The following IGF2R variants were observed in gnomAD, a reference collection of about 807,000 sequenced individuals.
IGF2R encodes the protein insulin like growth factor 2 receptor, also known as cation-independent mannose-6-phosphate receptor.
In IGF2R, 91 loss-of-function variants were observed where a neutral mutation model predicts 270.6. The ratio of observed to expected loss-of-function variants is 0.34; its 90% CI spans 0.28 to 0.40. IGF2R has a LOEUF of 0.40. Among genes scored for constraint, IGF2R ranks in the 10% least tolerant of loss-of-function variants. IGF2R has a pLI of 1.00. For synonymous variants in IGF2R, 1,316 were observed against 1,258.9 expected, an observed-to-expected ratio of 1.05 and a Z score of -0.96; for missense variants, 2,805 against 3,188.3, an observed-to-expected ratio of 0.88 and a Z score of 2.90.
chr6:160,048,025 G>T, intron 17 of IGF2R, 118 bp downstream of exon 17: 1 of 743,176 alleles, frequency 1.3e-6, no homozygotes, highest in Non-Finnish European at 2.4e-6. Context: ...TGGGGCTGCA[G>T]GACCAAGGTG....
intron 2 of IGF2R, among the ~76,000 whole-genome samples, chr6:159,995,036 G>T (rs1784031141): frequency 6.6e-6 from 1 of 152,080 alleles, no homozygotes; most frequent in South Asian, 2.1e-4. Flanking sequence ...TTGTAGTGAG[G>T]TGTTGAAGTC....
At position 160,084,366 on chromosome 6, in the gene IGF2R, G is replaced by C. The variant is rs1163838281; in HGVS notation, c.6068+182G>C. ...CGCAGTGTCAATCCTGGCACAGAGG[G>C]TGGTTCTGAGGTCAGAGTGGGGGCA... is the stretch of plus-strand genomic sequence containing the variant. On this transcript the variant is annotated intron_variant, in intron 40 of 47. Coordinates refer to ENST00000356956, the MANE Select transcript of IGF2R (RefSeq NM_000876.4). This position sits in a 1 kb window ranked among gnomAD's most constrained non-coding sequence, Gnocchi z 4.6. 6.6e-6 allele frequency among the ~76,000 whole-genome samples: 1 copy of C among 152,218 alleles called. No individual in the cohort carries two copies. The highest frequency in any genetic ancestry group is 1.5e-5 in the Non-Finnish European group (1 of 68,036).
chr6:160,000,882 C>G (rs1784118776), intron 2 of IGF2R, among the ~76,000 whole-genome samples: 1 of 151,812 alleles, frequency 6.6e-6, no homozygotes, highest in Admixed American at 6.6e-5. Context: ...ATTACGGGCA[C>G]CACCATGTCC....
Position 160,084,469 on chromosome 6 carries a change from C to A in IGF2R, c.6068+285C>A, listed in dbSNP as rs545738899. ...ACTGAGTTAGGCTGGGTTTGATTTG[C>A]GTTTGTGTGTAGCTCAGGTTGTGGG... is the stretch of plus-strand genomic sequence containing the variant. On this transcript the variant is annotated intron_variant, in intron 40 of 47. Coordinates refer to ENST00000356956, the MANE Select transcript of IGF2R (RefSeq NM_000876.4). This position sits in a 1 kb window ranked among gnomAD's most constrained non-coding sequence, Gnocchi z 4.6. 6.6e-6 allele frequency among the ~76,000 whole-genome samples: 1 copy of A among 152,076 alleles called. No individual in the cohort carries two copies. The highest frequency in any genetic ancestry group is 2.4e-5 in the African/African-American group (1 of 41,392).
chr6:159,983,822 T>C (rs1236969429), intron 1 of IGF2R, among the ~76,000 whole-genome samples: 1 of 152,144 alleles, frequency 6.6e-6, no homozygotes, highest in Non-Finnish European at 1.5e-5. Context: ...GCTGCTTACA[T>C]AGAAATAGCA....
In IGF2R at chr6:160,106,691, C is replaced by G. The variant is rs550061521; in HGVS notation, c.*1607C>G. 6.6e-6 allele frequency: 1 copy of G among 152,224 alleles called. No homozygotes were observed. Among genetic ancestry groups the G allele is most frequent in the African/African-American group, 2.4e-5 (1 of 41,528 alleles). 9.4% of individuals were successfully genotyped at this position (152,224 alleles called of 1,614,324 possible). A position where few individuals can be genotyped will look rare whatever the true frequency, so the allele number is the denominator to read the frequency against. On this transcript the variant is annotated 3_prime_UTR_variant, in exon 48 of 48. Transcript: ENST00000356956. ...CTCGTTGACCCTTTATGAGGCAGCA[C>G]TTTCATTTTTCTCCAGAGTCTCCTG...
intron 34 of IGF2R, 69 bp from the exon 35 acceptor site, chr6:160,073,688 T>A: frequency 7.6e-7 from 1 of 1,319,508 alleles, no homozygotes; most frequent in Admixed American, 2.0e-5. Context: ...TTTTAAATTC[T>A]TATGGATGAC....
intron 22 of IGF2R, among the ~76,000 whole-genome samples, chr6:160,059,864 T>G (rs1778396587): frequency 6.6e-6 from 1 of 152,272 alleles, no homozygotes; most frequent in Admixed American, 6.5e-5. Context: ...GGGGTTTTCG[T>G]CTGCTTCATT....
chr6:159,987,478 A>G (rs1309862530), intron 1 of IGF2R, among the ~76,000 whole-genome samples: 1 of 152,006 alleles, frequency 6.6e-6, no homozygotes, highest in Non-Finnish European at 1.5e-5. Flanking sequence ...TGCAACCTCT[A>G]CCTCCCAGGT....
At chr6:160,092,259 A>G (rs1203318889) in intron 44 of IGF2R, among the ~76,000 whole-genome samples, 1 of 147,210 alleles carries the variant, frequency 6.8e-6, no homozygotes, top group Non-Finnish European at 1.5e-5. Context: ...GTGTGTCTGC[A>G]GGATTCCAAA....
At position 160,061,763 on chromosome 6, in the gene IGF2R, G is replaced by A; in HGVS notation, c.3417G>A (p.Val1139=). 1 of 1,614,144 alleles carries A rather than the reference G, an allele frequency of 6.2e-7. No homozygotes were observed. Among genetic ancestry groups the A allele is most frequent in the Non-Finnish European group, 8.5e-7 (1 of 1,180,036 alleles). ...PYIPGCQGSA[V]GSCLVSEGNS... The stretch of plus-strand genomic sequence containing the variant: ...ATTCTGTTCTTCCAGGCAGCGCAGT[G>A]GGGTCTTGCTTAGTGTCAGAAGGCA... The change falls in exon 25 of 48, where the codon GTG becomes GTA. Residue 1139 remains valine (V), a synonymous_variant. Coordinates refer to ENST00000356956, the MANE Select transcript of IGF2R (RefSeq NM_000876.4).
chr6:160,048,635 G>A, intron 18 of IGF2R, 92 bp downstream of exon 18: 1 of 1,320,884 alleles, frequency 7.6e-7, no homozygotes, highest in Non-Finnish European at 1.0e-6. Context: ...CAGATCAAAG[G>A]CAGCACAGCT....
Position 160,063,581 on chromosome 6 carries a change from C to A in IGF2R, c.3837C>A (p.Val1279=). ...CCACAAGTGACAAGTCCAAGGTGGT[C>A]TCCTCATGTCAGGAAAAGCGGGAAC... ...VCPTSDKSKV[V]SSCQEKREPQ... is the part of the protein sequence containing the mutation. The change falls in exon 27 of 48, where the codon GTC becomes GTA. Residue 1279 remains valine, a synonymous_variant. Coordinates refer to ENST00000356956, the MANE Select transcript of IGF2R (RefSeq NM_000876.4). 6.2e-7 allele frequency: 1 copy of A among 1,614,204 alleles called. No individual in the cohort carries two copies. Among genetic ancestry groups the A allele is most frequent in the Non-Finnish European group, 8.5e-7 (1 of 1,180,026 alleles).
chr6:159,980,521 T>C (rs889357647), intron 1 of IGF2R, among the ~76,000 whole-genome samples: 3 of 152,208 alleles, frequency 2.0e-5, no homozygotes, highest in African/African-American at 7.2e-5. Flanking sequence ...AGCTGGGTGT[T>C]AGGCTTTGCG....
In IGF2R at chr6:160,035,432, C is replaced by T. The variant is rs116512663; in HGVS notation, c.1315+910C>T. On this transcript the variant is annotated intron_variant, in intron 10 of 47. Transcript: ENST00000356956. Reference sequence around the variant, plus strand: ...TCGAAGCCTCCGGAGATCAGGTCTGCGTTGGGAGAGACAGGCACCCCTGCC... The same window carrying T: ...TCGAAGCCTCCGGAGATCAGGTCTGTGTTGGGAGAGACAGGCACCCCTGCC... Among the ~76,000 whole-genome samples the T allele has an allele frequency of 1.6e-3, 251 of 152,256 alleles. 1 individual carries two copies. The highest frequency in any genetic ancestry group is 5.3e-3 in the African/African-American group (221 of 41,552).
intron 46 of IGF2R, among the ~76,000 whole-genome samples, chr6:160,103,177 G>A (rs1779528182): frequency 1.3e-5 from 2 of 152,110 alleles, no homozygotes; most frequent in African/African-American, 2.4e-5. Flanking sequence ...GCCAGCTCAG[G>A]CGTTCCCTGC....
At chr6:160,104,093 A>AACAC (rs367658101) in intron 47 of IGF2R, among the ~76,000 whole-genome samples, 33 of 151,898 alleles carry the variant, frequency 2.2e-4, no homozygotes, top group Non-Finnish European at 3.8e-4. Flanking sequence ...AAAAAAACAA[A>AACAC]ACACACACAC....
chr6:160,042,935 GT>G lies in IGF2R; in HGVS notation c.1481-210del, dbSNP rs879283385. On this transcript the variant is annotated intron_variant, in intron 11 of 47. Transcript: ENST00000356956. ...TCTTCTGAAGAAGTATTGGGATGTA[GT>G]TTGTTTCTGTCACATTAAATGAGAA... Among the ~76,000 whole-genome samples, 10 of 152,134 alleles carry G rather than the reference GT, an allele frequency of 6.6e-5. No homozygotes were observed. In the East Asian group the frequency reaches 1.9e-3, roughly 29 times the overall value.
At chr6:159,979,818 C>T (rs1347690665) in intron 1 of IGF2R, among the ~76,000 whole-genome samples, 1 of 152,076 alleles carries the variant, frequency 6.6e-6, no homozygotes, top group African/African-American at 2.4e-5. Context: ...TAGCTGTGGC[C>T]AGATCACAGA....
Sources: gnomAD v4.1 joint callset for allele counts (sites outside exome capture counted in the v4.1 genomes callset) on GRCh38, gnomAD v4.1.1 for gene constraint, Gnocchi (gnomAD v3.1) non-coding constraint, MANE v1.5 for transcripts, NCBI Gene and HGNC (gene_info 2026-07-23, HGNC 2026-07-21) for gene names.